Variants in NBPF10 observed in about 807,000 individuals in gnomAD.
NBPF10 encodes the protein NBPF family member NBPF10.
Under a neutral mutation model 77.9 loss-of-function variants are expected in NBPF10, and 63 were observed. The observed-to-expected ratio is 0.81, with a 90% CI of 0.66 to 1.00. NBPF10 has a LOEUF of 1.00. NBPF10 is among the 50% of genes least tolerant of loss of function. The pLI, the probability that NBPF10 is intolerant of heterozygous loss-of-function variation, is 0.00. For synonymous variants in NBPF10, 146 were observed against 264.5 expected, an observed-to-expected ratio of 0.55 and a Z score of 4.35; for missense variants, 522 against 679.8, an observed-to-expected ratio of 0.77 and a Z score of 2.58.
intron 89 of NBPF10, among the ~76,000 whole-genome samples, chr1:146,066,799 G>C (rs1343397715): frequency 1.3e-5 from 2 of 151,988 alleles, no homozygotes; most frequent in Admixed American, 6.6e-5. Context: ...CAGAGAGAAA[G>C]TGACCTAGTG....
At chr1:146,126,743 T>C (rs782517748) in intron 13 of NBPF10, among the ~76,000 whole-genome samples, 1 of 144,648 alleles carries the variant, frequency 6.9e-6, no homozygotes, top group South Asian at 2.3e-4. Flanking sequence ...GAAAAGCATG[T>C]CCTCAATAAT....
At chr1:146,136,380 T>C in exon 7 of NBPF10, 1 of 1,607,546 alleles carries the variant, frequency 6.2e-7, no homozygotes. Context: ...CTTGAGCTGC[T>C]CTGCAAGCTT....
intron 88 of NBPF10, 21 bp from the exon 89 acceptor site, chr1:146,067,309 G>A (rs587771306): frequency 6.2e-5 from 31 of 501,446 alleles, no homozygotes; most frequent in South Asian, 5.2e-4. Flanking sequence ...TTCAGACATG[G>A]ACAGACACAT....
chr1:146,126,229 T>A lies in NBPF10; in HGVS notation c.2026+7A>T, dbSNP rs781825806. 21 of 1,591,060 alleles carry A rather than the reference T, an allele frequency of 1.3e-5. No individual in the cohort carries two copies. The highest frequency in any genetic ancestry group is 1.6e-5 in the Non-Finnish European group (19 of 1,161,340). On this transcript the variant is annotated splice_region_variant and intron_variant, in intron 14 of 89. Transcript: ENST00000583866. ...GATCCTTATCACCTTCATAGAAAGG[T>A]ACTCACCATCCATGTCAATAGCCAA...
At chr1:146,125,842 A>C (rs1658540868) in intron 14 of NBPF10, among the ~76,000 whole-genome samples, 1 of 150,378 alleles carries the variant, frequency 6.6e-6, no homozygotes. Context: ...AAACTGCACT[A>C]TTCAGCCCTG....
intron 13 of NBPF10, among the ~76,000 whole-genome samples, 163 bp from the exon 14 acceptor site, chr1:146,126,571 C>A (rs1341078210): frequency 6.9e-6 from 1 of 145,662 alleles, no homozygotes; most frequent in African/African-American, 2.5e-5. Flanking sequence ...TGACTAGGGC[C>A]AGGTAGAAAA....
At chr1:146,066,668 G>C in intron 89 of NBPF10, 107 bp from the exon 90 acceptor site, 1 of 532,108 alleles carries the variant, frequency 1.9e-6, no homozygotes, top group Non-Finnish European at 3.3e-6. Flanking sequence ...AAAGAAAAAG[G>C]ATAGAACCAT....
chr1:146,067,892 T>C (rs1467626426), intron 88 of NBPF10, 111 bp downstream of exon 88: 20 of 699,962 alleles, frequency 2.9e-5, no homozygotes, highest in Admixed American at 2.6e-4. Context: ...CCATAGGTCC[T>C]GCCTGCGGCA....
intron 2 of NBPF10, among the ~76,000 whole-genome samples, chr1:146,142,335 G>A (rs1299504020): frequency 7.7e-6 from 1 of 130,222 alleles, no homozygotes; most frequent in Admixed American, 7.7e-5. Flanking sequence ...TAAGTGGGGT[G>A]GCGATAGCAC....
chr1:146,134,161 T>C lies in NBPF10; in HGVS notation c.1379+32A>G, dbSNP rs782089161. 54 of 1,406,570 alleles carry C rather than the reference T, an allele frequency of 3.8e-5. 2 individuals carry two copies. Among genetic ancestry groups the C allele is most frequent in the Non-Finnish European group, 5.2e-5 (53 of 1,026,194 alleles). The allele number at this position is 1,406,570 out of a possible 1,614,324, so 87.1% of individuals were successfully genotyped here. A position where few individuals can be genotyped will look rare whatever the true frequency, so the allele number is the denominator to read the frequency against. On this transcript the variant is annotated intron_variant, in intron 9 of 89. Transcript: ENST00000583866. ...CCTAGATATTCCTCATATGTTACCA[T>C]CCATTAATTGTTCCTGAGTATTCAG...
In NBPF10 at chr1:146,067,174, A is replaced by G. The variant is rs782296768; in HGVS notation, c.11144+6T>C. ...GAACTAAGGATCCACAATTGCTGAA[A>G]GTCACCTGGGGCATGGTGGGTTTTG... is the stretch of plus-strand genomic sequence containing the variant. On this transcript the variant is annotated splice_donor_region_variant and intron_variant, in intron 89 of 89. Coordinates refer to ENST00000583866, the Ensembl canonical transcript of NBPF10. The G allele has an allele frequency of 3.2e-6, 2 of 619,678 alleles. No individual in the cohort carries two copies. The highest frequency in any genetic ancestry group is 3.2e-5 in the South Asian group (2 of 62,386). 38.4% of individuals were successfully genotyped at this position (619,678 alleles called of 1,614,324 possible).
rs782320562 is a variant in NBPF10 at position 146,141,868 on chromosome 1, C to T, written c.279-50G>A. The T allele has an allele frequency of 1.3e-5, 15 of 1,156,404 alleles. 1 individual carries two copies. In the South Asian group the frequency reaches 1.9e-4, roughly 15 times the overall value. The allele number at this position is 1,156,404 out of a possible 1,614,324, so 71.6% of individuals were successfully genotyped here. A position where few individuals can be genotyped will look rare whatever the true frequency, so the allele number is the denominator to read the frequency against. ...TTAAGAGTAGAAAGGGTTGAGTGAT[C>T]CGTTCAAATATTGCAACAGAGACTT... On this transcript the variant is annotated intron_variant, in intron 2 of 89. Transcript: ENST00000583866.
chr1:146,136,296 T>A, intron 7 of NBPF10, 57 bp downstream of exon 7: 1 of 894,136 alleles, frequency 1.1e-6, no homozygotes, highest in Non-Finnish European at 1.8e-6. Flanking sequence ...ACCGAGCTGC[T>A]GTACTTCAGA....
intron 88 of NBPF10, 116 bp downstream of exon 88, chr1:146,067,887 G>C (rs373714516): frequency 8.5e-5 from 59 of 698,170 alleles, no homozygotes; most frequent in Admixed American, 4.3e-4. Context: ...TGCGCCCATA[G>C]GTCCTGCCTG....
At chr1:146,134,241 T>G in exon 9 of NBPF10, 2 of 1,599,434 alleles carry the variant, frequency 1.3e-6, no homozygotes, top group Non-Finnish European at 1.7e-6. Flanking sequence ...AACTTGAACA[T>G]CTTCATCGTC....
At position 146,141,808 on chromosome 1, in the gene NBPF10, C is replaced by G. The variant is rs781853467; in HGVS notation, c.289G>C (p.Val97Leu). The change falls in exon 3 of 90, where the codon GTC becomes CTC. Residue 97 changes from valine (V) to leucine (L), a missense_variant. Physicochemically the swap from Val to Leu is conservative, Grantham distance 32 (BLOSUM62 1). Around this residue, in one of 9 missense-constraint regions of NBPF10, gnomAD observed 71 missense variants for 114.9 expected, o/e 0.62. Coordinates refer to ENST00000583866, the Ensembl canonical transcript of NBPF10. ...TCTCGTTCCTGAGAGTGAACTAGGACTTTATATTGCCTAAGGTGAGACGGT... is the reference window on the plus strand; with the variant it reads ...TCTCGTTCCTGAGAGTGAACTAGGAGTTTATATTGCCTAAGGTGAGACGGT... 36 of 1,341,718 alleles carry G rather than the reference C, an allele frequency of 2.7e-5. 9 individuals carry two copies. In the South Asian group the frequency reaches 4.7e-4, roughly 17 times the overall value. The allele number at this position is 1,341,718 out of a possible 1,614,324, so 83.1% of individuals were successfully genotyped here. A position where few individuals can be genotyped will look rare whatever the true frequency, so the allele number is the denominator to read the frequency against.
At chr1:146,067,253 C>T (rs782453726) in exon 89 of NBPF10, 1 of 575,344 alleles carries the variant, frequency 1.7e-6, no homozygotes, top group Non-Finnish European at 3.1e-6. Context: ...GATCTTCTTC[C>T]CCTTCTTTTT....
At chr1:146,139,127 T>G in intron 5 of NBPF10, among the ~76,000 whole-genome samples, 1 of 122,590 alleles carries the variant, frequency 8.2e-6, no homozygotes, top group African/African-American at 3.0e-5. Flanking sequence ...TGAGATGGAG[T>G]CTCGCTCTGT....
chr1:146,066,192 T>A, exon 90 of NBPF10: 3 of 1,488,826 alleles, frequency 2.0e-6, no homozygotes, highest in Non-Finnish European at 2.7e-6. Flanking sequence ...AGAATAGGAA[T>A]AGAGCCATGC....
Sources: allele counts gnomAD v4.1 joint callset (sites outside exome capture counted in the v4.1 genomes callset), GRCh38; gene constraint gnomAD v4.1.1; regional missense constraint gnomAD v4.1.1; transcripts MANE v1.5; gene names NCBI Gene and HGNC (gene_info 2026-07-23, HGNC 2026-07-21).